KIFC1: variants seen among roughly 807,000 people sequenced by gnomAD.
KIFC1 encodes kinesin family member C1.
KIFC1 carries 37 observed loss-of-function variants against 66.6 expected under a neutral mutation model. The observed-to-expected ratio is 0.56, with a 90% confidence interval of 0.43 to 0.73. KIFC1 has a LOEUF of 0.73. KIFC1 is among the 30% of genes least tolerant of loss of function. KIFC1 has a pLI of 0.00. For missense variants in KIFC1, 721 were observed against 859.8 expected, an observed-to-expected ratio of 0.84 and a Z score of 2.02; for synonymous variants, 325 against 343.5, an observed-to-expected ratio of 0.95 and a Z score of 0.60.
intron 10 of KIFC1, 105 bp from the exon 11 acceptor site, chr6:33,409,541 G>C (rs902130375): frequency 7.0e-6 from 8 of 1,148,604 alleles, no homozygotes; most frequent in African/African-American, 3.1e-5. Context: ...GCCTTATTTC[G>C]GTATTTCTGA....
In KIFC1 at chr6:33,404,233, G is replaced by GC; in HGVS notation, c.756+105dup. On this transcript the variant is annotated intron_variant, in intron 6 of 10. Coordinates refer to ENST00000428849, the MANE Select transcript of KIFC1 (RefSeq NM_002263.4). The surrounding 1 kb of genome is among the most constrained non-coding windows in gnomAD (Gnocchi z 4.0). ...TCAAGTCTGGGCTGAGAACTCCTGA[G>GC]CACCTATCTTTAGCAGTATAGGTGC... is the stretch of plus-strand genomic sequence containing the variant. 8.8e-7 allele frequency: 1 copy of GC among 1,131,608 alleles called. No homozygotes were observed. The highest frequency in any genetic ancestry group is 2.5e-5 in the Admixed American group (1 of 40,724). The allele number at this position is 1,131,608 out of a possible 1,614,324, so 70.1% of individuals were successfully genotyped here.
At position 33,398,160 on chromosome 6, in the gene KIFC1, T is replaced by C. The variant is rs752187928; in HGVS notation, c.144T>C (p.Pro48=). Residue 48 remains proline (P), a synonymous_variant, in exon 2 of 11, where the codon CCT becomes CCC. Transcript: ENST00000428849. ...RPDQMEDGLE[P]EKKRTRGLGA... Reference sequence around the variant, plus strand: ...ACCAGATGGAAGATGGCCTGGAGCCTGAGAAGGTGAGCTGGGCATGGAGAG... The same window carrying C: ...ACCAGATGGAAGATGGCCTGGAGCCCGAGAAGGTGAGCTGGGCATGGAGAG... 5 of 1,613,964 alleles carry C rather than the reference T, an allele frequency of 3.1e-6. No homozygotes were observed.
Position 33,400,033 on chromosome 6 carries a change from C to G in KIFC1, c.250+1646C>G. 1.5e-6 allele frequency: 1 copy of G among 661,018 alleles called. No individual in the cohort carries two copies. The highest frequency in any genetic ancestry group is 2.7e-6 in the Non-Finnish European group (1 of 368,096). The allele number at this position is 661,018 out of a possible 1,614,324, so 40.9% of individuals were successfully genotyped here. A position where few individuals can be genotyped will look rare whatever the true frequency, so the allele number is the denominator to read the frequency against. On this transcript the variant is annotated intron_variant, in intron 3 of 10. Coordinates refer to ENST00000428849, the MANE Select transcript of KIFC1 (RefSeq NM_002263.4). The surrounding 1 kb of genome is among the most constrained non-coding windows in gnomAD (Gnocchi z 4.3). Reference sequence around the variant, plus strand: ...TTTTTCGACCAGTTGTCAAATGATCCTTTATTGAAATATTTTCCTTTGTGC... The same window carrying G: ...TTTTTCGACCAGTTGTCAAATGATCGTTTATTGAAATATTTTCCTTTGTGC...
At chr6:33,408,683 G>C (rs1321495106) in intron 10 of KIFC1, among the ~76,000 whole-genome samples, 2 of 152,182 alleles carry the variant, frequency 1.3e-5, no homozygotes, top group Non-Finnish European at 2.9e-5. Flanking sequence ...GGTGACCAAT[G>C]AATGTTTATC....
rs374419809 is a variant in KIFC1 at position 33,404,050 on chromosome 6, T to G, written c.677T>G (p.Leu226Trp). The G allele has an allele frequency of 6.2e-7, 1 of 1,614,114 alleles. No homozygotes were observed. The highest frequency in any genetic ancestry group is 1.3e-5 in the African/African-American group (1 of 75,018). The change falls in exon 6 of 11, where the codon TTG (leucine) becomes TGG (tryptophan). Residue 226 changes from leucine (L) to tryptophan (W), a missense_variant. By Grantham distance (61) the Leu-to-Trp change is moderately conservative (BLOSUM62 -2). Coordinates refer to ENST00000428849, the MANE Select transcript of KIFC1 (RefSeq NM_002263.4). This position sits in a 1 kb window ranked among gnomAD's most constrained non-coding sequence, Gnocchi z 4.0. ...GAGCGGCTGAGCACGCAGGAGGGCT[T>G]GGTGCAAGAGCTTCAGAAAAAACAG... ...LEERLSTQEG[L>W]VQELQKKQVE...
At position 33,404,422 on chromosome 6, in the gene KIFC1, C is replaced by G. The variant is rs1036136571; in HGVS notation, c.756+293C>G. Among the ~76,000 whole-genome samples, 1 of 152,122 alleles carries G rather than the reference C, an allele frequency of 6.6e-6. No homozygotes were observed. The highest frequency in any genetic ancestry group is 1.5e-5 in the Non-Finnish European group (1 of 68,028). ...TCTTTCTTTGGGTTCCCATCCTGATCACAAATTCCTGTGGTACTCTCTTTC... is the reference window on the plus strand; with the variant it reads ...TCTTTCTTTGGGTTCCCATCCTGATGACAAATTCCTGTGGTACTCTCTTTC... On this transcript the variant is annotated intron_variant, in intron 6 of 10. Coordinates refer to ENST00000428849, the MANE Select transcript of KIFC1 (RefSeq NM_002263.4). This position sits in a 1 kb window ranked among gnomAD's most constrained non-coding sequence, Gnocchi z 4.0.
At chr6:33,394,727 C>A (rs533296703) in intron 1 of KIFC1, among the ~76,000 whole-genome samples, 102 of 152,356 alleles carry the variant, frequency 6.7e-4, no homozygotes, top group African/African-American at 2.3e-3. Flanking sequence ...AGTGATCCGC[C>A]CGCCTCGGCC....
rs1282864790 is a variant in KIFC1, at chr6:33,406,432, C to T, written c.1773C>T (p.Ala591=). 4 of 1,603,590 alleles carry T rather than the reference C, an allele frequency of 2.5e-6. No homozygotes were observed. Among genetic ancestry groups the T allele is most frequent in the Non-Finnish European group, 3.4e-6 (4 of 1,173,058 alleles). Residue 591 remains alanine (A), a synonymous_variant, in exon 8 of 11, where the codon GCC becomes GCT. Coordinates refer to ENST00000428849, the MANE Select transcript of KIFC1 (RefSeq NM_002263.4). This position sits in a 1 kb window ranked among gnomAD's most constrained non-coding sequence, Gnocchi z 4.5. ...GERERLRETQ[A]INSSLSTLGL... ...GGGAACGCCTTCGGGAAACACAGGC[C>T]ATTAACAGCAGCCTGTCCACGCTGG... is the stretch of plus-strand genomic sequence containing the variant.
intron 1 of KIFC1, among the ~76,000 whole-genome samples, chr6:33,397,012 C>T (rs1467789692): frequency 1.1e-4 from 8 of 71,762 alleles, no homozygotes; most frequent in East Asian, 4.1e-4. Flanking sequence ...TTTTTTGAGA[C>T]GTAGTCTCGC....
rs183577038 is a variant in KIFC1 at position 33,401,217 on chromosome 6, C to T, written c.251-2097C>T. ...TGGCGTGATCTCGGCTCAGTGTAAC[C>T]TCCGCCTCCTGGGTTCAAGTGATTC... On this transcript the variant is annotated intron_variant, in intron 3 of 10. Transcript: ENST00000428849. The surrounding 1 kb of genome is among the most constrained non-coding windows in gnomAD (Gnocchi z 4.5). Among the ~76,000 whole-genome samples the T allele has an allele frequency of 5.1e-4, 77 of 152,142 alleles. No homozygotes were observed. Among genetic ancestry groups the T allele is most frequent in the Non-Finnish European group, 8.2e-4 (56 of 68,010 alleles).
intron 1 of KIFC1, among the ~76,000 whole-genome samples, chr6:33,394,538 G>A (rs1774938355): frequency 6.6e-6 from 1 of 152,162 alleles, no homozygotes; most frequent in Non-Finnish European, 1.5e-5. Flanking sequence ...CTGGAGTGCA[G>A]TGGTGTGATC....
chr6:33,398,178 A>G lies in KIFC1; in HGVS notation c.150+12A>G, dbSNP rs757021300. On this transcript the variant is annotated intron_variant, in intron 2 of 10. Transcript: ENST00000428849. ...TGGAGCCTGAGAAGGTGAGCTGGGC[A>G]TGGAGAGCTGTGCATGTGTGTGGGG... 3 of 1,614,146 alleles carry G rather than the reference A, an allele frequency of 1.9e-6. No individual in the cohort carries two copies. The highest frequency in any genetic ancestry group is 4.5e-5 in the East Asian group (2 of 44,876).
At position 33,405,270 on chromosome 6, in the gene KIFC1, C is replaced by A. The variant is rs769529120; in HGVS notation, c.1175C>A (p.Ala392Asp). ...CAGGATGAAGTGTTTGAAGAGATTG[C>A]CATGCTTGTCCAGTCAGCCCTGGAT... Reference protein sequence around the residue: ...SGQDEVFEEIAMLVQSALDGY... With the variant: ...SGQDEVFEEIDMLVQSALDGY... The change falls in exon 7 of 11, where the codon GCC becomes GAC. Residue 392 changes from alanine to aspartate, a missense_variant. Ala to Asp is a moderately radical substitution (Grantham distance 126, BLOSUM62 -2). Coordinates refer to ENST00000428849, the MANE Select transcript of KIFC1 (RefSeq NM_002263.4). The surrounding 1 kb of genome is among the most constrained non-coding windows in gnomAD (Gnocchi z 5.4). 1 of 1,614,176 alleles carries A rather than the reference C, an allele frequency of 6.2e-7. No individual in the cohort carries two copies. Among genetic ancestry groups the A allele is most frequent in the African/African-American group, 1.3e-5 (1 of 75,056 alleles).
At chr6:33,398,225 GGAGA>G (rs1581909680) in intron 2 of KIFC1, 59 bp downstream of exon 2, 1 of 1,613,588 alleles carries the variant, frequency 6.2e-7, no homozygotes, top group Non-Finnish European at 8.5e-7. Flanking sequence ...GTGAAAGAAA[GGAGA>G]GAGAGAGTAT....
chr6:33,398,264 G>A (rs1686729109), intron 2 of KIFC1, 24 bp from the exon 3 acceptor site: 2 of 1,613,776 alleles, frequency 1.2e-6, no homozygotes, highest in South Asian at 2.2e-5. Context: ...GGTGACTATG[G>A]ACCTTGTCTT....
At position 33,409,738 on chromosome 6, in the gene KIFC1, TGTGTGTG is replaced by T; in HGVS notation, c.*49_*55del. On this transcript the variant is annotated 3_prime_UTR_variant, in exon 11 of 11. Coordinates refer to ENST00000428849, the MANE Select transcript of KIFC1 (RefSeq NM_002263.4). ...GTGTGTGTGTGTGTGTGTGTGTGTG[TGTGTGTG>T]TGTGTGTGTCCCTATGTCTATGTAT... The T allele has an allele frequency of 5.7e-6, 8 of 1,412,602 alleles. No homozygotes were observed. Among genetic ancestry groups the T allele is most frequent in the Non-Finnish European group, 6.9e-6 (7 of 1,018,298 alleles). 87.5% of individuals were successfully genotyped at this position (1,412,602 alleles called of 1,614,324 possible).
rs759647717 is a variant in KIFC1 at position 33,403,456 on chromosome 6, A to T, written c.305-29A>T. The T allele has an allele frequency of 2.3e-5, 37 of 1,613,424 alleles. No individual in the cohort carries two copies. The highest frequency in any genetic ancestry group is 3.1e-5 in the Non-Finnish European group (36 of 1,179,444). On this transcript the variant is annotated intron_variant, in intron 4 of 10. Coordinates refer to ENST00000428849, the MANE Select transcript of KIFC1 (RefSeq NM_002263.4). The surrounding 1 kb of genome is among the most constrained non-coding windows in gnomAD (Gnocchi z 4.6). Reference sequence around the variant, plus strand: ...GAGGTGGAGGGACACTGGTCCTGTAATTCCTAAGTCACCTCCTCAATTCTG... The same window carrying T: ...GAGGTGGAGGGACACTGGTCCTGTATTTCCTAAGTCACCTCCTCAATTCTG...
chr6:33,393,429 A>G (rs892289719), intron 1 of KIFC1, among the ~76,000 whole-genome samples: 3 of 122,762 alleles, frequency 2.4e-5, no homozygotes, highest in Non-Finnish European at 3.3e-5. Flanking sequence ...CCATAGCACC[A>G]TTGCCTTTTT....
chr6:33,407,925 CCTG>C (rs2151095253), intron 10 of KIFC1, among the ~76,000 whole-genome samples: 1 of 152,360 alleles, frequency 6.6e-6, no homozygotes, highest in South Asian at 2.1e-4. Context: ...TCAGGTCTGT[CCTG>C]CTGTGCGCTT....
Sources: gnomAD v4.1 joint callset for allele counts (sites outside exome capture counted in the v4.1 genomes callset) on GRCh38, gnomAD v4.1.1 for gene constraint, Gnocchi (gnomAD v3.1) non-coding constraint, MANE v1.5 for transcripts, NCBI Gene and HGNC (gene_info 2026-07-23, HGNC 2026-07-21) for gene names.